Variants in GRIN2A observed in about 807,000 individuals in gnomAD.
GRIN2A encodes the protein glutamate ionotropic receptor NMDA type subunit 2A, also known as glutamate receptor ionotropic, NMDA 2A.
In GRIN2A, 22 loss-of-function variants were observed where a neutral mutation model predicts 113.4. The ratio of observed to expected loss-of-function variants is 0.19; its 90% CI spans 0.14 to 0.28. GRIN2A has a LOEUF of 0.28. GRIN2A is among the 10% of genes least tolerant of loss of function. The pLI, the probability that GRIN2A is intolerant of heterozygous loss-of-function variation, is 1.00. For missense variants in GRIN2A, 1,502 were observed against 1,887.0 expected (o/e 0.80, Z 3.78); for synonymous variants, 827 against 738.4 (o/e 1.12, Z -1.94).
rs572749405 is a variant in GRIN2A at position 10,178,715 on chromosome 16, G to A, written c.414+1283C>T. On this transcript the variant is annotated intron_variant, in intron 2 of 12. Transcript: ENST00000330684. ...GTGCTGCAGCCCAGGAGACCTGAAA[G>A]AATTAATACGGTTACCAAAGGAGCT... 1.1e-4 allele frequency among the ~76,000 whole-genome samples: 17 copies of A among 152,346 alleles called. No homozygotes were observed. In the South Asian group the frequency reaches 2.5e-3, roughly 22 times the overall value.
chr16:9,937,053 T>C (rs1310899396), intron 3 of GRIN2A, among the ~76,000 whole-genome samples: 2 of 152,150 alleles, frequency 1.3e-5, no homozygotes, highest in African/African-American at 4.8e-5. Flanking sequence ...ATCACAGCTG[T>C]TTAGCTTCTA....
At chr16:9,890,896 G>A (rs1294275396) in intron 4 of GRIN2A, 90 bp downstream of exon 4, 4 of 838,140 alleles carry the variant, frequency 4.8e-6, no homozygotes, top group Admixed American at 3.5e-5. Context: ...AGCTCAACAG[G>A]AAATGCGTGG....
chr16:9,768,448 C>A (rs1240640036), intron 12 of GRIN2A, among the ~76,000 whole-genome samples: 1 of 152,158 alleles, frequency 6.6e-6, no homozygotes, highest in East Asian at 1.9e-4. Context: ...AACTAGAAGA[C>A]CTGATAATAT....
intron 11 of GRIN2A, among the ~76,000 whole-genome samples, chr16:9,774,850 G>A (rs373938377): frequency 1.3e-5 from 2 of 152,154 alleles, no homozygotes; most frequent in African/African-American, 4.8e-5. Context: ...GAAGCTGGGG[G>A]GTGGGATGGA....
intron 9 of GRIN2A, among the ~76,000 whole-genome samples, chr16:9,828,504 T>A (rs1431576042): frequency 2.0e-5 from 3 of 152,218 alleles, no homozygotes; most frequent in African/African-American, 7.2e-5. Context: ...CAAAAAGATA[T>A]GTTAGCGAGG....
At chr16:9,775,189 A>G (rs1361382526) in intron 11 of GRIN2A, among the ~76,000 whole-genome samples, 1 of 152,120 alleles carries the variant, frequency 6.6e-6, no homozygotes, top group African/African-American at 2.4e-5. Flanking sequence ...CAGCTTCCAC[A>G]GGCACACGTC....
At chr16:10,131,823 G>T (rs1327251612) in intron 2 of GRIN2A, among the ~76,000 whole-genome samples, 2 of 152,210 alleles carry the variant, frequency 1.3e-5, no homozygotes, top group East Asian at 1.9e-4. Flanking sequence ...ATATCCCTCT[G>T]CCTAGAGTGG....
chr16:9,993,423 G>C (rs1033298731), intron 2 of GRIN2A, among the ~76,000 whole-genome samples: 8 of 151,884 alleles, frequency 5.3e-5, no homozygotes, highest in Admixed American at 1.3e-4. Flanking sequence ...GAGTATGGTG[G>C]CCTGCACCTG....
chr16:9,793,274 G>C (rs1902733338), intron 11 of GRIN2A, among the ~76,000 whole-genome samples: 2 of 152,104 alleles, frequency 1.3e-5, no homozygotes, highest in Admixed American at 1.3e-4. Flanking sequence ...CATCACTTGT[G>C]ACTGAATAAT....
At chr16:10,011,792 G>A (rs1444162849) in intron 2 of GRIN2A, among the ~76,000 whole-genome samples, 2 of 152,092 alleles carry the variant, frequency 1.3e-5, no homozygotes, top group South Asian at 2.1e-4. Context: ...ACCAAGCATC[G>A]TTCAGGGCTG....
intron 2 of GRIN2A, among the ~76,000 whole-genome samples, chr16:10,128,947 T>C (rs571916342): frequency 2.6e-4 from 39 of 152,392 alleles, no homozygotes; most frequent in Non-Finnish European, 4.6e-4. Context: ...TGCACATATG[T>C]GCACGAGTGT....
chr16:10,122,680 T>C (rs58434557), intron 2 of GRIN2A, among the ~76,000 whole-genome samples: 6,124 of 152,274 alleles, frequency 0.04, 283 homozygotes, highest in African/African-American at 0.11. Context: ...CTTGGCAAGA[T>C]GAAAGGAAGT....
chr16:10,096,407 A>G (rs1297532324), intron 2 of GRIN2A, among the ~76,000 whole-genome samples: 1 of 152,066 alleles, frequency 6.6e-6, no homozygotes, highest in East Asian at 1.9e-4. Context: ...TCGGTGGTGT[A>G]CCGGCAACCT....
intron 3 of GRIN2A, among the ~76,000 whole-genome samples, chr16:9,910,851 G>C (rs2044120813): frequency 6.6e-6 from 1 of 151,946 alleles, no homozygotes; most frequent in Non-Finnish European, 1.5e-5. Context: ...GAGTTCTTTT[G>C]ATTCAATCTT....
intron 2 of GRIN2A, among the ~76,000 whole-genome samples, chr16:10,006,151 G>A (rs1192425366): frequency 1.3e-5 from 2 of 152,162 alleles, no homozygotes; most frequent in African/African-American, 4.8e-5. Flanking sequence ...CAGGAACCTG[G>A]ACACCATCCT....
chr16:9,790,483 TCATATTGCA>T (rs1441137355), intron 11 of GRIN2A, among the ~76,000 whole-genome samples: 2 of 152,204 alleles, frequency 1.3e-5, no homozygotes, highest in Non-Finnish European at 2.9e-5. Flanking sequence ...GTTATATGCC[TCATATTGCA>T]CATATTAAAT....
chr16:9,848,369 C>G (rs1042479937), intron 5 of GRIN2A, among the ~76,000 whole-genome samples: 1 of 150,614 alleles, frequency 6.6e-6, no homozygotes, highest in East Asian at 1.9e-4. Context: ...GCGCCCACCA[C>G]CATAGCTGGC....
chr16:9,928,109 C>T (rs947379917), intron 3 of GRIN2A, among the ~76,000 whole-genome samples: 2 of 152,210 alleles, frequency 1.3e-5, no homozygotes, highest in Non-Finnish European at 2.9e-5. Flanking sequence ...TGGACCGTGA[C>T]TCCTCCATCC....
intron 10 of GRIN2A, among the ~76,000 whole-genome samples, chr16:9,799,918 G>A (rs1903253583): frequency 6.6e-6 from 1 of 151,916 alleles, no homozygotes; most frequent in South Asian, 2.1e-4. Context: ...GCATACCCCA[G>A]AAAATAAGCA....
Sources: gnomAD v4.1 joint callset for allele counts (sites outside exome capture counted in the v4.1 genomes callset) on GRCh38, gnomAD v4.1.1 for gene constraint, MANE v1.5 for transcripts, NCBI Gene and HGNC (gene_info 2026-07-23, HGNC 2026-07-21) for gene names.